The following DIAPH3 variants were observed in gnomAD, a reference collection of about 807,000 sequenced individuals.
The protein encoded by DIAPH3 is protein diaphanous homolog 3.
Under a neutral mutation model 144.3 loss-of-function variants are expected in DIAPH3, and 117 were observed. The observed-to-expected ratio is 0.81, with a 90% CI of 0.70 to 0.95. DIAPH3 has a LOEUF of 0.95. Among genes scored for constraint, DIAPH3 ranks in the 40% least tolerant of loss-of-function variants. DIAPH3 has a pLI of 0.00. For synonymous variants in DIAPH3, 519 were observed against 488.9 expected, an observed-to-expected ratio of 1.06 and a Z score of -0.81; for missense variants, 1,421 against 1,412.7, an observed-to-expected ratio of 1.01 and a Z score of -0.09.
chr13:59,758,953 A>ATTTTTTTTTTT (rs915956860), intron 27 of DIAPH3, among the ~76,000 whole-genome samples: 1 of 130,144 alleles, frequency 7.7e-6, no homozygotes, highest in East Asian at 2.2e-4. Context: ...CTAATTTTGA[A>ATTTTTTTTTTT]TTTTTTTTTT....
intron 3 of DIAPH3, among the ~76,000 whole-genome samples, chr13:60,111,668 C>CA (rs1308266268): frequency 2.0e-5 from 3 of 152,178 alleles, no homozygotes; most frequent in South Asian, 2.1e-4. Flanking sequence ...CACCACCCCC[C>CA]AAACGCTCAT....
At chr13:59,995,241 C>T (rs2247217) in intron 9 of DIAPH3, among the ~76,000 whole-genome samples, 112,247 of 151,530 alleles carry the variant, frequency 0.74, 41,711 homozygotes, top group African/African-American at 0.8. Flanking sequence ...ACTGGAGATA[C>T]TCATACTCAA....
At chr13:59,670,629 C>G (rs530839063) in intron 27 of DIAPH3, among the ~76,000 whole-genome samples, 2 of 149,088 alleles carry the variant, frequency 1.3e-5, no homozygotes, top group South Asian at 2.1e-4. Flanking sequence ...GTCGCCCAGG[C>G]TGGAGTGCAG....
At chr13:59,733,383 C>T (rs1467061633) in intron 27 of DIAPH3, among the ~76,000 whole-genome samples, 1 of 152,018 alleles carries the variant, frequency 6.6e-6, no homozygotes, top group Non-Finnish European at 1.5e-5. Context: ...CACCCATAAT[C>T]TGAGTATAAA....
intron 27 of DIAPH3, among the ~76,000 whole-genome samples, chr13:59,732,037 A>G (rs540577616): frequency 6.6e-6 from 1 of 152,284 alleles, no homozygotes; most frequent in East Asian, 1.9e-4. Flanking sequence ...GAACAACATC[A>G]GCATAATATT....
At chr13:60,152,618 A>T (rs1951840116) in intron 1 of DIAPH3, among the ~76,000 whole-genome samples, 1 of 151,852 alleles carries the variant, frequency 6.6e-6, no homozygotes, top group African/African-American at 2.4e-5. Context: ...GGAGATAAAG[A>T]TAAGAAGGGA....
intron 25 of DIAPH3, among the ~76,000 whole-genome samples, chr13:59,787,065 C>A: frequency 6.6e-6 from 1 of 152,136 alleles, no homozygotes; most frequent in East Asian, 1.9e-4. Flanking sequence ...TGAGCCACTG[C>A]ACTGCAGCCT....
intron 24 of DIAPH3, among the ~76,000 whole-genome samples, chr13:59,825,428 GT>G (rs1419589645): frequency 6.6e-6 from 1 of 152,108 alleles, no homozygotes; most frequent in Non-Finnish European, 1.5e-5. Flanking sequence ...TCTTAATCCA[GT>G]CTATCATTGT....
chr13:59,686,335 T>C (rs2033209526), intron 27 of DIAPH3, among the ~76,000 whole-genome samples: 1 of 151,986 alleles, frequency 6.6e-6, no homozygotes, highest in South Asian at 2.1e-4. Context: ...TTTAGTACCT[T>C]AGAGATGTCA....
intron 19 of DIAPH3, among the ~76,000 whole-genome samples, chr13:59,915,323 A>G (rs2047176151): frequency 6.6e-6 from 1 of 152,140 alleles, no homozygotes; most frequent in South Asian, 2.1e-4. Flanking sequence ...TACATTTAGA[A>G]GACAAGATAG....
intron 24 of DIAPH3, among the ~76,000 whole-genome samples, chr13:59,825,387 T>C (rs1396287692): frequency 6.6e-6 from 1 of 152,200 alleles, no homozygotes; most frequent in Non-Finnish European, 1.5e-5. Flanking sequence ...TATGGCTGCA[T>C]AGTATTCCAT....
At chr13:60,132,470 G>T (rs1457784780) in intron 2 of DIAPH3, among the ~76,000 whole-genome samples, 2 of 151,968 alleles carry the variant, frequency 1.3e-5, no homozygotes, top group Non-Finnish European at 2.9e-5. Context: ...ATCTACAATG[G>T]TGCTATAAAG....
rs1341471994 is a variant in DIAPH3 at position 59,704,553 on chromosome 13, TTCAG to T, written c.3320-37711_3320-37708del. Among the ~76,000 whole-genome samples, 7 of 152,346 alleles carry T rather than the reference TTCAG, an allele frequency of 4.6e-5. No homozygotes were observed. The East Asian group carries it at 1.3e-3, about 29-fold the overall frequency. ...ACAGTCATGTGCTGCAGAATGACAC[TTCAG>T]TCAATGAAGGATTGCATGTATGATG... is the stretch of plus-strand genomic sequence containing the variant. On this transcript the variant is annotated intron_variant, in intron 27 of 27. Transcript: ENST00000400324.
intron 17 of DIAPH3, among the ~76,000 whole-genome samples, chr13:59,940,028 T>C (rs1181037370): frequency 6.6e-6 from 1 of 152,064 alleles, no homozygotes; most frequent in African/African-American, 2.4e-5. Flanking sequence ...TATTTAAAGT[T>C]AGGCTACTTA....
intron 27 of DIAPH3, among the ~76,000 whole-genome samples, chr13:59,761,402 C>T (rs931412304): frequency 6.6e-6 from 1 of 152,132 alleles, no homozygotes; most frequent in African/African-American, 2.4e-5. Context: ...GTTTTACACA[C>T]TACCAGAAGG....
chr13:59,851,881 G>A (rs913841311), intron 22 of DIAPH3, among the ~76,000 whole-genome samples: 3 of 152,130 alleles, frequency 2.0e-5, no homozygotes, highest in Non-Finnish European at 2.9e-5. Context: ...GCCTCCCAAA[G>A]TGCTGGGATT....
chr13:59,824,572 T>A (rs1165733362), intron 24 of DIAPH3, among the ~76,000 whole-genome samples: 1 of 152,198 alleles, frequency 6.6e-6, no homozygotes, highest in Non-Finnish European at 1.5e-5. Flanking sequence ...GGACTAATCA[T>A]GTCTCTCTTT....
chr13:59,730,144 G>A (rs1346437971), intron 27 of DIAPH3, among the ~76,000 whole-genome samples: 1 of 152,096 alleles, frequency 6.6e-6, no homozygotes, highest in African/African-American at 2.4e-5. Context: ...ATGTAGATTT[G>A]TGATTTTTCT....
intron 12 of DIAPH3, among the ~76,000 whole-genome samples, chr13:59,989,845 A>C (rs1172363389): frequency 1.3e-5 from 2 of 151,906 alleles, no homozygotes; most frequent in Non-Finnish European, 2.9e-5. Context: ...GGCATGTTCA[A>C]ACCATTGAAA....
Sources: allele counts gnomAD v4.1 joint callset (sites outside exome capture counted in the v4.1 genomes callset), GRCh38; gene constraint gnomAD v4.1.1; transcripts MANE v1.5; gene names NCBI Gene and HGNC (gene_info 2026-07-23, HGNC 2026-07-21).